Variants in ADAMTSL3 observed in about 807,000 individuals in gnomAD.
The protein encoded by ADAMTSL3 is ADAMTS-like protein 3.
Under a neutral mutation model 201.7 loss-of-function variants are expected in ADAMTSL3, and 128 were observed. The observed-to-expected ratio is 0.63, with a 90% CI of 0.55 to 0.73. The LOEUF (loss-of-function observed/expected upper bound fraction) is 0.73. Among genes scored for constraint, ADAMTSL3 ranks in the 30% least tolerant of loss-of-function variants. The probability of loss-of-function intolerance (pLI) is 0.00; values close to 1 mark genes in which losing one functional copy is unlikely to be tolerated. For missense variants in ADAMTSL3, 1,990 were observed against 2,119.6 expected, an observed-to-expected ratio of 0.94 and a Z score of 1.20; for synonymous variants, 738 against 748.4, an observed-to-expected ratio of 0.99 and a Z score of 0.23.
intron 9 of ADAMTSL3, among the ~76,000 whole-genome samples, chr15:83,875,745 C>T (rs1211731022): frequency 1.3e-5 from 2 of 151,836 alleles, no homozygotes; most frequent in South Asian, 2.1e-4. Flanking sequence ...ATTGCACAGC[C>T]GCACTCTGGC....
At chr15:83,815,704 G>A (rs182470755) in intron 5 of ADAMTSL3, among the ~76,000 whole-genome samples, 49 of 152,300 alleles carry the variant, frequency 3.2e-4, no homozygotes, top group African/African-American at 7.2e-4. Context: ...AGCAGTCAGC[G>A]TCCCCCACAT....
intron 19 of ADAMTSL3, among the ~76,000 whole-genome samples, chr15:83,958,382 C>T (rs952963933): frequency 2.6e-5 from 4 of 152,100 alleles, no homozygotes; most frequent in Admixed American, 6.5e-5. Context: ...AGAAGGAACA[C>T]AAGAGGTAAA....
chr15:83,742,101 A>G (rs2141640338), intron 3 of ADAMTSL3, among the ~76,000 whole-genome samples: 1 of 152,356 alleles, frequency 6.6e-6, no homozygotes, highest in South Asian at 2.1e-4. Flanking sequence ...CACAAGGAAA[A>G]GTCAGTAAAT....
chr15:83,843,838 A>G (rs1398662898), intron 7 of ADAMTSL3, among the ~76,000 whole-genome samples: 2 of 152,262 alleles, frequency 1.3e-5, no homozygotes, highest in Non-Finnish European at 2.9e-5. Context: ...AACCTTTGCT[A>G]TGAAAAATAT....
chr15:83,916,620 G>A (rs1047899993), intron 16 of ADAMTSL3, among the ~76,000 whole-genome samples: 5 of 152,020 alleles, frequency 3.3e-5, no homozygotes, highest in Non-Finnish European at 7.4e-5. Context: ...AAACTGAAGA[G>A]CTAAGGCAAA....
chr15:83,878,094 T>G (rs2141847104), intron 9 of ADAMTSL3, among the ~76,000 whole-genome samples: 1 of 152,288 alleles, frequency 6.6e-6, no homozygotes, highest in African/African-American at 2.4e-5. Flanking sequence ...ACTATAAAAT[T>G]TTTTATAGAT....
At chr15:83,701,143 C>A (rs2061770948) in intron 2 of ADAMTSL3, among the ~76,000 whole-genome samples, 2 of 152,126 alleles carry the variant, frequency 1.3e-5, no homozygotes, top group South Asian at 4.1e-4. Flanking sequence ...TTATTTCTGA[C>A]TCATTTCTTC....
intron 6 of ADAMTSL3, among the ~76,000 whole-genome samples, chr15:83,823,192 G>A (rs975239605): frequency 1.3e-4 from 18 of 140,192 alleles, no homozygotes; most frequent in African/African-American, 4.2e-4. Flanking sequence ...CGTGGGGAGA[G>A]GGAGAGGGTG....
At chr15:83,967,429 A>G (rs1226650987) in intron 19 of ADAMTSL3, among the ~76,000 whole-genome samples, 1 of 152,230 alleles carries the variant, frequency 6.6e-6, no homozygotes, top group Non-Finnish European at 1.5e-5. Context: ...CCCATTCACA[A>G]TTGCTACAAA....
chr15:84,016,391 T>C lies in ADAMTSL3; in HGVS notation c.4165T>C (p.Trp1389Arg). The C allele has an allele frequency of 6.2e-7, 1 of 1,613,488 alleles. No individual in the cohort carries two copies. The highest frequency in any genetic ancestry group is 8.5e-7 in the Non-Finnish European group (1 of 1,179,694). The change falls in exon 25 of 30, where the codon TGG (tryptophan) becomes CGG (arginine). Residue 1389 changes from tryptophan (W) to arginine (R), a missense_variant. Physicochemically the swap from Trp to Arg is moderately radical, Grantham distance 101 (BLOSUM62 -3). Transcript: ENST00000286744. ...CTTTTTTTTTTCCTCAGAACGAAGA[T>C]GGCCAGAGAGTAGAATCGTATTTCT... ...TSVLHLLERR[W>R]PESRIVFLQG... is the part of the protein sequence containing the mutation.
chr15:83,710,671 A>G (rs1021934332), intron 3 of ADAMTSL3, among the ~76,000 whole-genome samples: 36 of 152,178 alleles, frequency 2.4e-4, no homozygotes, highest in Non-Finnish European at 4.4e-5. Flanking sequence ...CTGGGATGTC[A>G]TTGGCTGCCT....
chr15:84,013,990 T>C (rs2068046321), intron 23 of ADAMTSL3, among the ~76,000 whole-genome samples: 1 of 152,214 alleles, frequency 6.6e-6, no homozygotes, highest in Non-Finnish European at 1.5e-5. Context: ...GCACTTACTT[T>C]TGCTCCCTGA....
At chr15:83,664,894 C>T (rs1037018139) in intron 2 of ADAMTSL3, among the ~76,000 whole-genome samples, 2 of 152,084 alleles carry the variant, frequency 1.3e-5, no homozygotes, top group African/African-American at 4.8e-5. Context: ...GTGGGAGGGT[C>T]GCTTAAGCCC....
intron 3 of ADAMTSL3, among the ~76,000 whole-genome samples, chr15:83,713,163 G>C (rs1038166393): frequency 6.6e-6 from 1 of 152,030 alleles, no homozygotes; most frequent in Non-Finnish European, 1.5e-5. Context: ...CTACAACTTG[G>C]TGTCTTTCTC....
chr15:83,796,505 AAGG>A (rs1353901669), intron 4 of ADAMTSL3, among the ~76,000 whole-genome samples: 3 of 152,356 alleles, frequency 2.0e-5, no homozygotes, highest in African/African-American at 7.2e-5. Flanking sequence ...ACCTAAATAA[AAGG>A]AGAGCTATAA....
At chr15:83,701,230 T>A (rs2730087) in intron 2 of ADAMTSL3, among the ~76,000 whole-genome samples, 151,479 of 152,280 alleles carry the variant, frequency 0.99, 75,343 homozygotes, top group East Asian at 1. Flanking sequence ...GGGGCTAAGC[T>A]CTGCAGATTC....
chr15:83,851,097 A>G (rs972695074), intron 7 of ADAMTSL3, among the ~76,000 whole-genome samples: 1 of 152,184 alleles, frequency 6.6e-6, no homozygotes, highest in Non-Finnish European at 1.5e-5. Context: ...TGTTTTAACA[A>G]GTTTTCTAGA....
At chr15:83,977,960 G>A (rs1303928480) in intron 20 of ADAMTSL3, among the ~76,000 whole-genome samples, 1 of 152,200 alleles carries the variant, frequency 6.6e-6, no homozygotes, top group East Asian at 1.9e-4. Flanking sequence ...CAGGTTCTTG[G>A]TACAGCTTCA....
intron 26 of ADAMTSL3, among the ~76,000 whole-genome samples, chr15:84,022,740 C>T (rs1383226551): frequency 6.6e-6 from 1 of 151,970 alleles, no homozygotes; most frequent in African/African-American, 2.4e-5. Context: ...ATTGAAGTCC[C>T]TTCATATTTG....
Sources: gnomAD v4.1 joint callset for allele counts (sites outside exome capture counted in the v4.1 genomes callset) on GRCh38, gnomAD v4.1.1 for gene constraint, MANE v1.5 for transcripts, NCBI Gene and HGNC (gene_info 2026-07-23, HGNC 2026-07-21) for gene names.